MSRA: variants seen among roughly 807,000 people sequenced by gnomAD.
The protein encoded by MSRA is mitochondrial peptide methionine sulfoxide reductase.
MSRA carries 54 observed loss-of-function variants against 31.3 expected under a neutral mutation model. The observed-to-expected ratio is 1.73, with a 90% CI of 1.39 to 2.17. The LOEUF (loss-of-function observed/expected upper bound fraction) is 2.17, where lower values mean the gene tolerates loss of function less well. Ranked by LOEUF, MSRA falls within the 30% of genes most tolerant of loss-of-function variation. The pLI is 0.00. For synonymous variants in MSRA, 169 were observed against 116.5 expected, an observed-to-expected ratio of 1.45 and a Z score of -2.90; for missense variants, 507 against 300.9, an observed-to-expected ratio of 1.69 and a Z score of -5.07.
At chr8:10,160,842 A>G (rs942144220) in intron 1 of MSRA, among the ~76,000 whole-genome samples, 1 of 152,212 alleles carries the variant, frequency 6.6e-6, no homozygotes, top group African/African-American at 2.4e-5. Flanking sequence ...TTTCATTTTT[A>G]AAAAACATGA....
chr8:10,110,384 C>T (rs745443554), intron 1 of MSRA, among the ~76,000 whole-genome samples: 1 of 152,152 alleles, frequency 6.6e-6, no homozygotes, highest in Non-Finnish European at 1.5e-5. Flanking sequence ...CATTTTGTTA[C>T]CCACTAAGAT....
Position 10,096,021 on chromosome 8 carries a change from A to G in MSRA, c.142+41363A>G, listed in dbSNP as rs367738884. 763 of 1,457,168 alleles carry G rather than the reference A, an allele frequency of 5.2e-4. 6 individuals are homozygous for G. The South Asian group carries it at 9.6e-3, about 18-fold the overall frequency. 90.3% of individuals were successfully genotyped at this position (1,457,168 alleles called of 1,614,324 possible). On this transcript the variant is annotated intron_variant, in intron 1 of 5. Transcript: ENST00000317173. ...TGCTTTCAAATCAAATCAGAAAGACATCCTTCGGAATGTGTTCAGAACGTA... is the reference window on the plus strand; with the variant it reads ...TGCTTTCAAATCAAATCAGAAAGACGTCCTTCGGAATGTGTTCAGAACGTA...
chr8:10,416,478 G>A (rs1434719950), intron 5 of MSRA, among the ~76,000 whole-genome samples: 1 of 152,214 alleles, frequency 6.6e-6, no homozygotes, highest in East Asian at 1.9e-4. Context: ...GAGGGCCCAG[G>A]GTGTTGGAGC....
chr8:10,271,193 T>C lies in MSRA; in HGVS notation c.331+25970T>C, dbSNP rs1338347316. Among the ~76,000 whole-genome samples the C allele has an allele frequency of 2.6e-5, 4 of 152,122 alleles. No homozygotes were observed. In the East Asian group the frequency reaches 7.7e-4, roughly 29 times the overall value. ...CAAAACATTTGAAAAGACATGTCAC[T>C]ATATCAATGATACACAGATGGCATA... On this transcript the variant is annotated intron_variant, in intron 3 of 5. Transcript: ENST00000317173.
chr8:10,170,717 G>A (rs372545509), intron 1 of MSRA, among the ~76,000 whole-genome samples: 2 of 152,132 alleles, frequency 1.3e-5, no homozygotes, highest in South Asian at 2.1e-4. Context: ...TCAGGGACTT[G>A]GGCATCCTCA....
chr8:10,378,679 C>G (rs1020192676), intron 5 of MSRA, among the ~76,000 whole-genome samples: 1 of 152,238 alleles, frequency 6.6e-6, no homozygotes, highest in African/African-American at 2.4e-5. Flanking sequence ...TGATTCTCAA[C>G]ATGTGGTCCC....
At chr8:10,153,254 G>C (rs1409663349) in intron 1 of MSRA, among the ~76,000 whole-genome samples, 1 of 152,096 alleles carries the variant, frequency 6.6e-6, no homozygotes, top group Non-Finnish European at 1.5e-5. Context: ...ACCGTTGTCT[G>C]GGGGGAGCAT....
At chr8:10,115,336 T>C (rs529162291) in intron 1 of MSRA, among the ~76,000 whole-genome samples, 85 of 152,314 alleles carry the variant, frequency 5.6e-4, no homozygotes, top group South Asian at 4.4e-3. Context: ...GAAGAGGCCA[T>C]TGAAGACTTG....
intron 5 of MSRA, among the ~76,000 whole-genome samples, chr8:10,400,378 T>TGTGTAGTGTGTA (rs112068172): frequency 1.8e-5 from 2 of 110,262 alleles, no homozygotes; most frequent in East Asian, 2.3e-4. Context: ...TGTGTGTGTG[T>TGTGTAGTGTGTA]GTGTGTAGTG....
At chr8:10,416,013 C>G (rs187413874) in intron 5 of MSRA, among the ~76,000 whole-genome samples, 37 of 152,230 alleles carry the variant, frequency 2.4e-4, no homozygotes, top group African/African-American at 8.7e-4. Context: ...TTCTGACCCT[C>G]TGGGTGGGGG....
chr8:10,220,720 G>C (rs552941458), intron 2 of MSRA, among the ~76,000 whole-genome samples: 2 of 152,258 alleles, frequency 1.3e-5, no homozygotes, highest in African/African-American at 4.8e-5. Flanking sequence ...ACCCTTATAT[G>C]GATTCAGTGC....
chr8:10,260,796 T>C (rs1798440202), intron 3 of MSRA, among the ~76,000 whole-genome samples: 2 of 152,238 alleles, frequency 1.3e-5, no homozygotes, highest in Admixed American at 6.5e-5. Flanking sequence ...GACTTACCTT[T>C]AATTCATCTT....
At chr8:10,347,912 C>A (rs190247968) in intron 5 of MSRA, among the ~76,000 whole-genome samples, 21 of 152,344 alleles carry the variant, frequency 1.4e-4, no homozygotes, top group African/African-American at 5.1e-4. Flanking sequence ...AGATACTACG[C>A]TGTGCTGTAG....
chr8:10,128,214 C>G lies in MSRA; in HGVS notation c.142+73556C>G, dbSNP rs889400726. Reference sequence around the variant, plus strand: ...CCAACATGATGAAACCCCATCTCTACTAAAAATTCAAAACATTAGCCAGGC... The same window carrying G: ...CCAACATGATGAAACCCCATCTCTAGTAAAAATTCAAAACATTAGCCAGGC... On this transcript the variant is annotated intron_variant, in intron 1 of 5. Coordinates refer to ENST00000317173, the MANE Select transcript of MSRA (RefSeq NM_012331.5). Among the ~76,000 whole-genome samples, 5 of 152,172 alleles carry G rather than the reference C, an allele frequency of 3.3e-5. No individual in the cohort carries two copies. The East Asian group carries it at 9.7e-4, about 29-fold the overall frequency.
intron 5 of MSRA, among the ~76,000 whole-genome samples, chr8:10,381,412 T>G (rs11249995): frequency 6.6e-6 from 1 of 152,028 alleles, no homozygotes; most frequent in Non-Finnish European, 1.5e-5. Flanking sequence ...AGAAAGGACA[T>G]GTCCTGAAGA....
chr8:10,085,216 T>A (rs1311530324), intron 1 of MSRA, among the ~76,000 whole-genome samples: 1 of 152,126 alleles, frequency 6.6e-6, no homozygotes, highest in African/African-American at 2.4e-5. Context: ...GACTGCCACA[T>A]CCTGAGCATT....
intron 3 of MSRA, among the ~76,000 whole-genome samples, chr8:10,246,325 G>T (rs111461600): frequency 2.0e-5 from 3 of 152,126 alleles, no homozygotes; most frequent in African/African-American, 4.8e-5. Flanking sequence ...ATTCTGTCTC[G>T]AATACCAGAT....
chr8:10,274,792 CA>C (rs1332971700), intron 3 of MSRA, among the ~76,000 whole-genome samples: 4 of 151,980 alleles, frequency 2.6e-5, no homozygotes, highest in Non-Finnish European at 5.9e-5. Context: ...TCCATCCACT[CA>C]TCTAACCATT....
intron 5 of MSRA, among the ~76,000 whole-genome samples, chr8:10,405,235 G>C (rs1022000733): frequency 6.6e-6 from 1 of 152,114 alleles, no homozygotes; most frequent in East Asian, 1.9e-4. Flanking sequence ...TGTCAACCCT[G>C]TGCCTAGGTG....
Sources: gnomAD v4.1 joint callset for allele counts (sites outside exome capture counted in the v4.1 genomes callset) on GRCh38, gnomAD v4.1.1 for gene constraint, MANE v1.5 for transcripts, NCBI Gene and HGNC (gene_info 2026-07-23, HGNC 2026-07-21) for gene names.